RBP2: variants seen among roughly 807,000 people sequenced by gnomAD.
The protein encoded by RBP2 is retinol-binding protein 2.
Under a neutral mutation model 17.0 loss-of-function variants are expected in RBP2, and 17 were observed. That is an observed-to-expected ratio of 1.00 (90% CI 0.68 to 1.50). RBP2 has a LOEUF of 1.50. RBP2 is among the 40% of genes most tolerant of loss of function. The pLI is 0.00. For missense variants in RBP2, 158 were observed against 168.2 expected, an observed-to-expected ratio of 0.94 and a Z score of 0.33; for synonymous variants, 48 against 57.1, an observed-to-expected ratio of 0.84 and a Z score of 0.72.
chr3:139,466,029 G>A (rs1021351688), intron 1 of RBP2, among the ~76,000 whole-genome samples: 4 of 152,152 alleles, frequency 2.6e-5, no homozygotes, highest in Non-Finnish European at 5.9e-5. Context: ...ATGGGGTACA[G>A]CTCCATCGGA....
chr3:139,454,911 G>A, intron 2 of RBP2, 81 bp from the exon 3 acceptor site: 1 of 1,372,920 alleles, frequency 7.3e-7, no homozygotes, highest in Non-Finnish European at 1.0e-6. Context: ...TGCAATTCCT[G>A]CAGCCATTTC....
At chr3:139,472,499 A>G (rs989782824) in intron 1 of RBP2, among the ~76,000 whole-genome samples, 1 of 152,174 alleles carries the variant, frequency 6.6e-6, no homozygotes, top group African/African-American at 2.4e-5. Flanking sequence ...TGCAGCTTGT[A>G]TCTCTTCTCT....
At chr3:139,454,613 G>T (rs1943363751) in intron 3 of RBP2, 116 bp downstream of exon 3, 3 of 888,808 alleles carry the variant, frequency 3.4e-6, no homozygotes, top group Non-Finnish European at 5.5e-6. Context: ...CATGCATTTG[G>T]CTGGAGCTCG....
intron 1 of RBP2, among the ~76,000 whole-genome samples, chr3:139,473,461 G>T (rs1933627956): frequency 6.6e-6 from 1 of 152,178 alleles, no homozygotes; most frequent in South Asian, 2.1e-4. Context: ...CTAGTGCTAG[G>T]GGTTAAAGTA....
chr3:139,459,817 A>G (rs1471458586), intron 2 of RBP2, among the ~76,000 whole-genome samples: 1 of 141,988 alleles, frequency 7.0e-6, no homozygotes, highest in Non-Finnish European at 1.5e-5. Context: ...CTCACTCCCT[A>G]CTAAGGGTGT....
chr3:139,472,000 C>A (rs1162468332), intron 1 of RBP2, among the ~76,000 whole-genome samples: 1 of 152,216 alleles, frequency 6.6e-6, no homozygotes, highest in Non-Finnish European at 1.5e-5. Flanking sequence ...CCAGACTATT[C>A]TTTTGCCTCC....
chr3:139,470,740 A>G (rs1031802470), intron 1 of RBP2, among the ~76,000 whole-genome samples: 2 of 151,810 alleles, frequency 1.3e-5, no homozygotes, highest in African/African-American at 4.8e-5. Flanking sequence ...TACCAGGCCC[A>G]GCTAATTTTT....
chr3:139,476,101 GT>G lies in RBP2; in HGVS notation c.73+285del, dbSNP rs376330108. ...ATCCTCTCAAGTTTGGCTTTACTCT[GT>G]TGTGTGTGTATCCTCCTGACATACA... On this transcript the variant is annotated intron_variant, in intron 1 of 3. Transcript: ENST00000232217. Among the ~76,000 whole-genome samples, 673 of 152,250 alleles carry G rather than the reference GT, an allele frequency of 4.4e-3. 7 individuals carry two copies. Among genetic ancestry groups the G allele is most frequent in the African/African-American group, 0.016 (655 of 41,534 alleles).
intron 1 of RBP2, among the ~76,000 whole-genome samples, chr3:139,471,712 C>T (rs1451176413): frequency 1.3e-5 from 2 of 152,172 alleles, no homozygotes; most frequent in African/African-American, 4.8e-5. Flanking sequence ...TAGGCTGACT[C>T]CTCCCTGACT....
At chr3:139,461,300 A>G (rs1389686268) in intron 2 of RBP2, among the ~76,000 whole-genome samples, 2 of 152,028 alleles carry the variant, frequency 1.3e-5, no homozygotes, top group Non-Finnish European at 2.9e-5. Context: ...TGCAAACTCA[A>G]GTTTTTGGGC....
chr3:139,470,929 CCT>C (rs1348697209), intron 1 of RBP2, among the ~76,000 whole-genome samples: 2 of 151,958 alleles, frequency 1.3e-5, no homozygotes, highest in African/African-American at 4.8e-5. Flanking sequence ...CTTGCTGTCC[CCT>C]GTGTCCAGAA....
At chr3:139,453,781 C>T (rs1206313068) in intron 3 of RBP2, among the ~76,000 whole-genome samples, 1 of 152,212 alleles carries the variant, frequency 6.6e-6, no homozygotes, top group African/African-American at 2.4e-5. Context: ...ACAATCATTG[C>T]AGTTGACTGT....
At chr3:139,475,387 A>G (rs1403790930) in intron 1 of RBP2, among the ~76,000 whole-genome samples, 1 of 151,830 alleles carries the variant, frequency 6.6e-6, no homozygotes, top group Non-Finnish European at 1.5e-5. Context: ...AATATGGAAC[A>G]TATCACAGCT....
Position 139,469,556 on chromosome 3 carries a change from T to C in RBP2, c.73+6831A>G, listed in dbSNP as rs546008503. Among the ~76,000 whole-genome samples the C allele has an allele frequency of 1.1e-3, 168 of 152,282 alleles. 1 individual carries two copies. The highest frequency in any genetic ancestry group is 4.0e-3 in the African/African-American group (165 of 41,570). On this transcript the variant is annotated intron_variant, in intron 1 of 3. Transcript: ENST00000232217. ...TTTGAAAGTCCTACCAGGTACCATA[T>C]GGTTCAAGTAGAGACTTTGGCAACG...
chr3:139,462,339 A>C (rs553110205), intron 1 of RBP2, 49 bp from the exon 2 acceptor site: 93 of 1,578,146 alleles, frequency 5.9e-5, no homozygotes, highest in Non-Finnish European at 7.7e-5. Flanking sequence ...AGCCAGACTC[A>C]TTCATTTCGT....
chr3:139,459,533 G>C (rs1283093417), intron 2 of RBP2, among the ~76,000 whole-genome samples: 1 of 150,722 alleles, frequency 6.6e-6, no homozygotes, highest in African/African-American at 2.4e-5. Context: ...TGAGGCAGGA[G>C]AATTGCTTGA....
At chr3:139,459,600 G>T (rs1171152251) in intron 2 of RBP2, among the ~76,000 whole-genome samples, 1 of 151,038 alleles carries the variant, frequency 6.6e-6, no homozygotes, top group Non-Finnish European at 1.5e-5. Flanking sequence ...TCCAGCCTGA[G>T]CAACGAGAGT....
In RBP2 at chr3:139,457,437, GGAAGGAA is replaced by G. The variant is rs1428597293; in HGVS notation, c.253-2614_253-2608del. On this transcript the variant is annotated intron_variant, in intron 2 of 3. Coordinates refer to ENST00000232217, the MANE Select transcript of RBP2 (RefSeq NM_004164.3). ...TAGGGGCTTAGCAAATTTTATGGAA[GGAAGGAA>G]GAAGGAAGGAGAAAAATGTTAGTGC... 5.9e-5 allele frequency among the ~76,000 whole-genome samples: 9 copies of G among 152,230 alleles called. No homozygotes were observed. In the East Asian group the frequency reaches 1.2e-3, roughly 20 times the overall value.
chr3:139,468,742 G>A lies in RBP2; in HGVS notation c.74-6452C>T, dbSNP rs114010282. On this transcript the variant is annotated intron_variant, in intron 1 of 3. Coordinates refer to ENST00000232217, the MANE Select transcript of RBP2 (RefSeq NM_004164.3). ...CTTTGCAGAGAAAATTATTTTCCTG[G>A]TATGGTATTTTAACACCAGGGTTAT... 4.4e-3 allele frequency among the ~76,000 whole-genome samples: 675 copies of A among 152,170 alleles called. 7 individuals carry two copies. The highest frequency in any genetic ancestry group is 0.016 in the African/African-American group (657 of 41,528).
Sources: gnomAD v4.1 joint callset for allele counts (sites outside exome capture counted in the v4.1 genomes callset) on GRCh38, gnomAD v4.1.1 for gene constraint, MANE v1.5 for transcripts, NCBI Gene and HGNC (gene_info 2026-07-23, HGNC 2026-07-21) for gene names.